The following ARHGAP10 variants were observed in gnomAD, a reference collection of about 807,000 sequenced individuals.
The protein encoded by ARHGAP10 is Rho GTPase activating protein 10, also known as rho GTPase-activating protein 10.
Under a neutral mutation model 108.6 loss-of-function variants are expected in ARHGAP10, and 87 were observed. The observed-to-expected ratio is 0.80, with a 90% CI of 0.67 to 0.96. The LOEUF is 0.96. Among genes scored for constraint, ARHGAP10 ranks in the 40% least tolerant of loss-of-function variants. ARHGAP10 has a pLI of 0.00. For missense variants in ARHGAP10, 939 were observed against 954.5 expected (o/e 0.98, Z 0.21); for synonymous variants, 347 against 341.1 (o/e 1.02, Z -0.19).
intron 18 of ARHGAP10, among the ~76,000 whole-genome samples, chr4:147,998,046 CTG>C (rs1489948144): frequency 6.6e-6 from 1 of 151,992 alleles, no homozygotes; most frequent in Non-Finnish European, 1.5e-5. Context: ...CCTTAAGTAA[CTG>C]TATAGCTGAG....
chr4:147,879,367 T>TTA, intron 9 of ARHGAP10, 29 bp downstream of exon 9: 1 of 1,586,644 alleles, frequency 6.3e-7, no homozygotes. Context: ...ATAGAATAGA[T>TTA]TATAATCTGT....
Position 147,732,187 on chromosome 4 carries a change from C to A in ARHGAP10, c.-115C>A. On this transcript the variant is annotated 5_prime_UTR_variant, in exon 1 of 23. Transcript: ENST00000336498. ...GTGCCGCGCTCGCCGCGCGCCCGGG[C>A]CTGCTAGCTCCTCTGTGCTCCCTGA... 9.2e-7 allele frequency: 1 copy of A among 1,089,530 alleles called. No individual in the cohort carries two copies. Among genetic ancestry groups the A allele is most frequent in the Non-Finnish European group, 1.2e-6 (1 of 827,592 alleles). 67.5% of individuals were successfully genotyped at this position (1,089,530 alleles called of 1,614,324 possible). A position where few individuals can be genotyped will look rare whatever the true frequency, so the allele number is the denominator to read the frequency against.
intron 15 of ARHGAP10, among the ~76,000 whole-genome samples, chr4:147,951,701 C>T (rs1190144886): frequency 1.3e-5 from 2 of 152,052 alleles, no homozygotes; most frequent in African/African-American, 2.4e-5. Flanking sequence ...GATCCTCCCA[C>T]CTTGGCCTCC....
chr4:147,830,442 A>T (rs1732903850), intron 3 of ARHGAP10, among the ~76,000 whole-genome samples: 1 of 150,706 alleles, frequency 6.6e-6, no homozygotes. Context: ...TTTGTTCCAA[A>T]CTATTAGGTT....
intron 1 of ARHGAP10, among the ~76,000 whole-genome samples, chr4:147,781,379 A>G (rs1730524423): frequency 6.6e-6 from 1 of 152,196 alleles, no homozygotes; most frequent in Admixed American, 6.5e-5. Flanking sequence ...TCATATTTAC[A>G]TTGGGCTGGA....
chr4:147,984,438 C>T (rs1163805521), intron 18 of ARHGAP10, among the ~76,000 whole-genome samples: 2 of 152,220 alleles, frequency 1.3e-5, no homozygotes, highest in African/African-American at 4.8e-5. Flanking sequence ...GTGGTGGTGC[C>T]ACCTTTAGCG....
intron 1 of ARHGAP10, among the ~76,000 whole-genome samples, chr4:147,818,942 C>T (rs866055564): frequency 1.3e-5 from 2 of 152,044 alleles, no homozygotes; most frequent in Non-Finnish European, 2.9e-5. Flanking sequence ...AAGAGGAGAT[C>T]ACCAGAAAGG....
Position 147,837,643 on chromosome 4 carries a change from G to GTTTTTTTTTTT in ARHGAP10, c.313-9499_313-9489dup, listed in dbSNP as rs59933316. Among the ~76,000 whole-genome samples, 116 of 70,220 alleles carry GTTTTTTTTTTT rather than the reference G, an allele frequency of 1.7e-3. 3 individuals carry two copies. The highest frequency in any genetic ancestry group is 5.2e-3 in the South Asian group (7 of 1,340). The allele number at this position is 70,220 out of a possible 152,430, so 46.1% of individuals were successfully genotyped here. On this transcript the variant is annotated intron_variant, in intron 3 of 22. Coordinates refer to ENST00000336498, the MANE Select transcript of ARHGAP10 (RefSeq NM_024605.4). Reference sequence around the variant, plus strand: ...CACCTCGCTAGAATCTCTGGTCACTGTTTTTTTTTTTTTTTTTTTAAAGCA... The same window carrying GTTTTTTTTTTT: ...CACCTCGCTAGAATCTCTGGTCACTGTTTTTTTTTTTTTTTTTTTTTTTTTTTTTTAAAGCA...
At chr4:147,854,211 G>A (rs1416657765) in intron 4 of ARHGAP10, among the ~76,000 whole-genome samples, 1 of 152,164 alleles carries the variant, frequency 6.6e-6, no homozygotes, top group East Asian at 1.9e-4. Flanking sequence ...TATAAATTTT[G>A]TTTGGCTTCC....
At chr4:147,985,818 G>A (rs1421574523) in intron 18 of ARHGAP10, among the ~76,000 whole-genome samples, 1 of 152,216 alleles carries the variant, frequency 6.6e-6, no homozygotes, top group Non-Finnish European at 1.5e-5. Context: ...AGGCTGAAGA[G>A]AAACAAAGTG....
At chr4:147,909,611 A>C in intron 11 of ARHGAP10, 121 bp from the exon 12 acceptor site, 1 of 803,268 alleles carries the variant, frequency 1.2e-6, no homozygotes. Flanking sequence ...TTATTCTATC[A>C]CATTAACCAG....
At chr4:147,856,752 T>C (rs1734100913) in intron 4 of ARHGAP10, among the ~76,000 whole-genome samples, 1 of 152,216 alleles carries the variant, frequency 6.6e-6, no homozygotes, top group African/African-American at 2.4e-5. Flanking sequence ...AGAGAAGGGA[T>C]ACTTAACCTG....
At chr4:147,810,505 CT>C (rs1375549757) in intron 1 of ARHGAP10, among the ~76,000 whole-genome samples, 2 of 152,182 alleles carry the variant, frequency 1.3e-5, no homozygotes, top group Non-Finnish European at 2.9e-5. Context: ...ATTTAACAAA[CT>C]TTTATATTAA....
chr4:147,884,432 T>A (rs1735459378), intron 10 of ARHGAP10, among the ~76,000 whole-genome samples: 1 of 152,178 alleles, frequency 6.6e-6, no homozygotes, highest in African/African-American at 2.4e-5. Context: ...TCAAATAAAA[T>A]TTCATGTTAA....
At chr4:147,873,916 G>A (rs2126860124) in intron 7 of ARHGAP10, among the ~76,000 whole-genome samples, 1 of 151,478 alleles carries the variant, frequency 6.6e-6, no homozygotes, top group Non-Finnish European at 1.5e-5. Flanking sequence ...CTGGAGAAAT[G>A]GAAGGCGAGA....
At chr4:148,008,553 C>T (rs897992493) in intron 18 of ARHGAP10, among the ~76,000 whole-genome samples, 1 of 151,502 alleles carries the variant, frequency 6.6e-6, no homozygotes, top group African/African-American at 2.4e-5. Flanking sequence ...CAGGGCAATC[C>T]CTCCACAACA....
intron 7 of ARHGAP10, among the ~76,000 whole-genome samples, chr4:147,868,498 G>T (rs917093905): frequency 3.3e-5 from 5 of 152,148 alleles, no homozygotes; most frequent in Admixed American, 1.3e-4. Flanking sequence ...AGCCTCCCAA[G>T]ATCCTGGCAT....
Position 147,732,183 on chromosome 4 carries a change from C to A in ARHGAP10, c.-119C>A, listed in dbSNP as rs766008354. ...GTCCGTGCCGCGCTCGCCGCGCGCC[C>A]GGGCCTGCTAGCTCCTCTGTGCTCC... On this transcript the variant is annotated 5_prime_UTR_variant, in exon 1 of 23. Coordinates refer to ENST00000336498, the MANE Select transcript of ARHGAP10 (RefSeq NM_024605.4). 2 of 1,051,972 alleles carry A rather than the reference C, an allele frequency of 1.9e-6. No homozygotes were observed. The highest frequency in any genetic ancestry group is 1.7e-5 in the African/African-American group (1 of 58,904). 65.2% of individuals were successfully genotyped at this position (1,051,972 alleles called of 1,614,324 possible). A position where few individuals can be genotyped will look rare whatever the true frequency, so the allele number is the denominator to read the frequency against.
intron 16 of ARHGAP10, among the ~76,000 whole-genome samples, chr4:147,959,291 T>C (rs1248134025): frequency 6.6e-6 from 1 of 152,108 alleles, no homozygotes; most frequent in Non-Finnish European, 1.5e-5. Flanking sequence ...GGATGTGTGA[T>C]TTTAAAATAG....
Sources: gnomAD v4.1 joint callset for allele counts (sites outside exome capture counted in the v4.1 genomes callset) on GRCh38, gnomAD v4.1.1 for gene constraint, MANE v1.5 for transcripts, NCBI Gene and HGNC (gene_info 2026-07-23, HGNC 2026-07-21) for gene names.